The following VPS8 variants were observed in gnomAD, a reference collection of about 807,000 sequenced individuals.
VPS8 encodes vacuolar protein sorting-associated protein 8 homolog.
Under a neutral mutation model 216.4 loss-of-function variants are expected in VPS8, and 129 were observed. The ratio of observed to expected loss-of-function variants is 0.60; its 90% CI spans 0.52 to 0.69. VPS8 has a LOEUF of 0.69. Among genes scored for constraint, VPS8 ranks in the 30% least tolerant of loss-of-function variants. The pLI is 0.00. For synonymous variants in VPS8, 571 were observed against 565.4 expected (o/e 1.01, Z -0.14); for missense variants, 1,531 against 1,683.5 (o/e 0.91, Z 1.59).
At chr3:185,009,432 G>A (rs998742544) in intron 45 of VPS8, among the ~76,000 whole-genome samples, 6 of 152,112 alleles carry the variant, frequency 3.9e-5, no homozygotes, top group African/African-American at 1.4e-4. Context: ...ACATTGATAA[G>A]GATGTGAGGA....
chr3:185,034,609 TTTGTTGTTGTTG>T (rs71632042), intron 46 of VPS8, among the ~76,000 whole-genome samples: 19 of 145,544 alleles, frequency 1.3e-4, no homozygotes, highest in East Asian at 8.6e-4. Flanking sequence ...CGTTGATAGT[TTTGTTGTTGTTG>T]TTGTTGTTGT....
chr3:184,831,985 A>C (rs1051955740), intron 3 of VPS8, among the ~76,000 whole-genome samples: 2 of 152,200 alleles, frequency 1.3e-5, no homozygotes, highest in Non-Finnish European at 2.9e-5. Context: ...ATAGTATACT[A>C]AATATTCATT....
intron 46 of VPS8, among the ~76,000 whole-genome samples, chr3:185,038,991 C>T (rs1759274732): frequency 6.6e-6 from 1 of 152,160 alleles, no homozygotes; most frequent in Non-Finnish European, 1.5e-5. Context: ...AGGACTTAGC[C>T]CCAGCAACAT....
At chr3:184,934,291 CT>C (rs1380817506) in intron 34 of VPS8, among the ~76,000 whole-genome samples, 1 of 152,146 alleles carries the variant, frequency 6.6e-6, no homozygotes, top group African/African-American at 2.4e-5. Context: ...CCTCCTCATC[CT>C]CCCTAAGTAG....
rs139370583 is a variant in VPS8 at position 184,914,245 on chromosome 3, C to T, written c.2189+684C>T. 5.5e-4 allele frequency among the ~76,000 whole-genome samples: 84 copies of T among 152,294 alleles called. No homozygotes were observed. In the East Asian group the frequency reaches 0.011, roughly 20 times the overall value. On this transcript the variant is annotated intron_variant, in intron 26 of 47. Transcript: ENST00000625842. The stretch of plus-strand genomic sequence containing the variant: ...TTGATTCTTTAGTGTGAAAGAAATA[C>T]GCATTTACTTAGTGCTTTATCATCT...
chr3:184,915,121 G>T (rs1174939304), intron 27 of VPS8, 68 bp downstream of exon 27: 3 of 1,546,846 alleles, frequency 1.9e-6, no homozygotes, highest in African/African-American at 1.4e-5. Flanking sequence ...AAGACAAATT[G>T]CAGTTGAGGC....
At chr3:185,039,655 A>T (rs999127148) in intron 46 of VPS8, among the ~76,000 whole-genome samples, 2 of 152,096 alleles carry the variant, frequency 1.3e-5, no homozygotes, top group African/African-American at 4.8e-5. Flanking sequence ...TTCAGGGGGT[A>T]GATTCTGGGA....
chr3:184,826,292 G>A, intron 3 of VPS8, 61 bp downstream of exon 3: 1 of 1,427,294 alleles, frequency 7.0e-7, no homozygotes, highest in Non-Finnish European at 9.7e-7. Flanking sequence ...ATACTTTTTG[G>A]ATTAGTTATC....
At chr3:184,830,410 A>T (rs1560290758) in intron 3 of VPS8, among the ~76,000 whole-genome samples, 4 of 151,030 alleles carry the variant, frequency 2.6e-5, no homozygotes, top group Admixed American at 2.0e-4. Context: ...TTATTTATTT[A>T]TTTTTTTGCA....
In VPS8 at chr3:185,048,404, C is replaced by T; in HGVS notation, c.4057-75C>T. 3.6e-6 allele frequency: 5 copies of T among 1,406,042 alleles called. 1 individual carries two copies. Among genetic ancestry groups the T allele is most frequent in the Non-Finnish European group, 5.0e-6 (5 of 995,536 alleles). The allele number at this position is 1,406,042 out of a possible 1,614,324, so 87.1% of individuals were successfully genotyped here. On this transcript the variant is annotated intron_variant, in intron 46 of 47. Transcript: ENST00000625842. ...ATGAAGGAAGCACCATGTTATGCTTCAGCATCGTGTAGAGCAAGTTGAGAG... is the reference window on the plus strand; with the variant it reads ...ATGAAGGAAGCACCATGTTATGCTTTAGCATCGTGTAGAGCAAGTTGAGAG...
chr3:185,011,268 A>G (rs1054889555), intron 45 of VPS8, among the ~76,000 whole-genome samples: 19 of 152,350 alleles, frequency 1.2e-4, no homozygotes, highest in Non-Finnish European at 2.4e-4. Context: ...GGCAGAAACT[A>G]TAGGGAATGC....
chr3:184,833,844 G>A (rs1181581388), intron 4 of VPS8, among the ~76,000 whole-genome samples: 1 of 151,996 alleles, frequency 6.6e-6, no homozygotes, highest in Non-Finnish European at 1.5e-5. Flanking sequence ...CAAATAAACA[G>A]AATTAAACTG....
chr3:185,026,709 T>C (rs1275906435), intron 46 of VPS8, among the ~76,000 whole-genome samples: 1 of 111,698 alleles, frequency 9.0e-6, no homozygotes, highest in Non-Finnish European at 1.7e-5. Flanking sequence ...GTCTTTTTTT[T>C]TTTTTTTTTT....
chr3:184,946,719 C>T (rs147834256), intron 36 of VPS8, among the ~76,000 whole-genome samples: 2 of 152,284 alleles, frequency 1.3e-5, no homozygotes, highest in Non-Finnish European at 2.9e-5. Flanking sequence ...TCATCAGGTA[C>T]ACTACACATT....
intron 40 of VPS8, among the ~76,000 whole-genome samples, chr3:184,977,732 T>G (rs1166342037): frequency 6.8e-6 from 1 of 147,388 alleles, no homozygotes; most frequent in Non-Finnish European, 1.5e-5. Flanking sequence ...GCTTATCTTT[T>G]TTTTTTTTTT....
intron 45 of VPS8, among the ~76,000 whole-genome samples, chr3:185,001,117 G>T (rs975110717): frequency 6.6e-6 from 1 of 152,154 alleles, no homozygotes; most frequent in African/African-American, 2.4e-5. Context: ...ACATGGTCTT[G>T]TCTTTCAGAG....
chr3:184,914,475 A>G (rs1578216021), intron 26 of VPS8, among the ~76,000 whole-genome samples: 1 of 152,352 alleles, frequency 6.6e-6, no homozygotes, highest in East Asian at 1.9e-4. Context: ...GTAAAACTGT[A>G]GGGTGAATTT....
chr3:184,912,504 C>T (rs1736745336), intron 25 of VPS8, among the ~76,000 whole-genome samples: 1 of 152,006 alleles, frequency 6.6e-6, no homozygotes, highest in Non-Finnish European at 1.5e-5. Context: ...TTACATGACT[C>T]AATTCCGAAG....
chr3:185,036,559 TTTAATGA>T (rs1205401455), intron 46 of VPS8, among the ~76,000 whole-genome samples: 1 of 151,984 alleles, frequency 6.6e-6, no homozygotes, highest in Non-Finnish European at 1.5e-5. Context: ...TGATGAAGTC[TTTAATGA>T]TTAACAGTTT....
Sources: allele counts gnomAD v4.1 joint callset (sites outside exome capture counted in the v4.1 genomes callset), GRCh38; gene constraint gnomAD v4.1.1; transcripts MANE v1.5; gene names NCBI Gene and HGNC (gene_info 2026-07-23, HGNC 2026-07-21).